TNFSF4: variants seen among roughly 807,000 people sequenced by gnomAD.
TNFSF4 encodes the protein TNF superfamily member 4.
In TNFSF4, 4 loss-of-function variants were observed where a neutral mutation model predicts 7.3. The ratio of observed to expected loss-of-function variants is 0.55; its 90% CI spans 0.27 to 1.25. The LOEUF (loss-of-function observed/expected upper bound fraction) is 1.25. TNFSF4 is among the 50% of genes most tolerant of loss of function. TNFSF4 has a pLI of 0.12. For missense variants in TNFSF4, 181 were observed against 208.8 expected (o/e 0.87, Z 0.82); for synonymous variants, 76 against 83.7 (o/e 0.91, Z 0.50).
the TNFSF4 span, among the ~76,000 whole-genome samples, chr1:173,237,009 G>A: frequency 1.3e-5 from 2 of 152,140 alleles, no homozygotes. Flanking sequence ...GAATCATAGG[G>A]GTGATTTCCC....
chr1:173,434,424 T>TAA, the TNFSF4 span, among the ~76,000 whole-genome samples: 1 of 152,286 alleles, frequency 6.6e-6, no homozygotes, highest in East Asian at 1.9e-4. Flanking sequence ...GTGAGACTGG[T>TAA]AAGTGAGCAA....
chr1:173,214,096 G>A, the TNFSF4 span, among the ~76,000 whole-genome samples: 2 of 152,168 alleles, frequency 1.3e-5, no homozygotes, highest in Non-Finnish European at 2.9e-5. Context: ...TTAGGAATGA[G>A]GCAATACAAT....
the TNFSF4 span, among the ~76,000 whole-genome samples, chr1:173,438,625 C>T: frequency 6.6e-6 from 1 of 152,124 alleles, no homozygotes; most frequent in Non-Finnish European, 1.5e-5. Context: ...AAAAAGCTTT[C>T]CATACTGGCA....
At chr1:173,292,614 A>T in the TNFSF4 span, among the ~76,000 whole-genome samples, 1 of 152,020 alleles carries the variant, frequency 6.6e-6, no homozygotes, top group Admixed American at 6.6e-5. Context: ...ACATCTATTC[A>T]ACGTAGTACT....
At chr1:173,370,709 T>C in the TNFSF4 span, among the ~76,000 whole-genome samples, 1 of 152,132 alleles carries the variant, frequency 6.6e-6, no homozygotes, top group Non-Finnish European at 1.5e-5. Flanking sequence ...GGAGGCGTTA[T>C]TAAACCTGGC....
chr1:173,348,565 A>G, the TNFSF4 span, among the ~76,000 whole-genome samples: 1 of 152,208 alleles, frequency 6.6e-6, no homozygotes, highest in Non-Finnish European at 1.5e-5. Context: ...AAGAACAAAA[A>G]TCAACAAAAT....
At chr1:173,391,928 AT>A in the TNFSF4 span, among the ~76,000 whole-genome samples, 1 of 152,216 alleles carries the variant, frequency 6.6e-6, no homozygotes, top group African/African-American at 2.4e-5. Context: ...ATGCTCAATC[AT>A]CATGACCTTT....
the TNFSF4 span, among the ~76,000 whole-genome samples, chr1:173,449,831 G>A: frequency 6.6e-6 from 1 of 152,014 alleles, no homozygotes; most frequent in South Asian, 2.1e-4. Flanking sequence ...TATTGGAAAA[G>A]AACAACATCT....
the TNFSF4 span, among the ~76,000 whole-genome samples, chr1:173,432,748 C>G: frequency 6.6e-6 from 1 of 151,764 alleles, no homozygotes; most frequent in African/African-American, 2.4e-5. Flanking sequence ...AATGAAGGAG[C>G]ATTAAAAACC....
In TNFSF4 at chr1:173,188,549, T is replaced by C. The variant is rs1164929486; in HGVS notation, c.174A>G (p.Arg58=). 7 of 1,612,604 alleles carry C rather than the reference T, an allele frequency of 4.3e-6. No homozygotes were observed. The South Asian group carries it at 7.7e-5, about 18-fold the overall frequency. Residue 58 remains arginine (R), a synonymous_variant, in exon 2 of 3, where the codon CGA becomes CGG. Coordinates refer to ENST00000281834, the MANE Select transcript of TNFSF4 (RefSeq NM_003326.5). ...SALQVSHRYP[R]IQSIKVQFTE... ...TAAATTGTACTTTGATACTTTGAAT[T>C]CGAGGATACCGATGTGATACCTGAG...
At chr1:173,336,734 A>C in the TNFSF4 span, among the ~76,000 whole-genome samples, 1 of 152,184 alleles carries the variant, frequency 6.6e-6, no homozygotes, top group East Asian at 1.9e-4. Flanking sequence ...TGTTGGTAAG[A>C]CATTTGCACA....
the TNFSF4 span, among the ~76,000 whole-genome samples, chr1:173,447,054 C>T: frequency 6.6e-6 from 1 of 152,038 alleles, no homozygotes; most frequent in Admixed American, 6.5e-5. Context: ...TTATTCAGTT[C>T]TAAAAGGAAT....
chr1:173,380,322 G>C, the TNFSF4 span, among the ~76,000 whole-genome samples: 1 of 152,168 alleles, frequency 6.6e-6, no homozygotes, highest in South Asian at 2.1e-4. Context: ...GTAGTCCCCT[G>C]CTTGAGGAGG....
intron 1 of TNFSF4, among the ~76,000 whole-genome samples, chr1:173,204,484 A>G (rs1252428362): frequency 1.3e-5 from 2 of 152,210 alleles, no homozygotes; most frequent in Admixed American, 1.3e-4. Flanking sequence ...TGACGGCCAA[A>G]TGGAGCTTGG....
the TNFSF4 span, among the ~76,000 whole-genome samples, chr1:173,292,015 A>C: frequency 6.6e-6 from 1 of 151,950 alleles, no homozygotes; most frequent in Non-Finnish European, 1.5e-5. Context: ...ACAAAAAAAA[A>C]ACCTAAACCA....
At chr1:173,173,756 C>G in the TNFSF4 span, among the ~76,000 whole-genome samples, 1 of 152,236 alleles carries the variant, frequency 6.6e-6, no homozygotes, top group African/African-American at 2.4e-5. Context: ...AGCTGGGACA[C>G]AGGGCACCAT....
At chr1:173,421,128 G>GA in the TNFSF4 span, among the ~76,000 whole-genome samples, 2,452 of 152,106 alleles carry the variant, frequency 0.016, 75 homozygotes, top group African/African-American at 0.056. Flanking sequence ...AGGGTTGCCA[G>GA]AAAAAATATA....
At chr1:173,349,219 G>A in the TNFSF4 span, among the ~76,000 whole-genome samples, 5 of 151,686 alleles carry the variant, frequency 3.3e-5, no homozygotes, top group South Asian at 4.2e-4. Flanking sequence ...TAGTAGAGAC[G>A]GGGTTTCACC....
At chr1:173,354,867 G>C in the TNFSF4 span, among the ~76,000 whole-genome samples, 14 of 152,226 alleles carry the variant, frequency 9.2e-5, no homozygotes, top group Non-Finnish European at 1.2e-4. Context: ...AATGATGCTC[G>C]ATAAATACTG....
Sources: gnomAD v4.1 joint callset for allele counts (sites outside exome capture counted in the v4.1 genomes callset) on GRCh38, gnomAD v4.1.1 for gene constraint, MANE v1.5 for transcripts, NCBI Gene and HGNC (gene_info 2026-07-23, HGNC 2026-07-21) for gene names.